The following PROM1 variants were observed in gnomAD, a reference collection of about 807,000 sequenced individuals.
The protein encoded by PROM1 is prominin-1.
Under a neutral mutation model 116.9 loss-of-function variants are expected in PROM1, and 105 were observed. The ratio of observed to expected loss-of-function variants is 0.90; its 90% CI spans 0.77 to 1.06. The LOEUF is 1.06. Ranked by LOEUF, PROM1 falls within the 50% of genes least tolerant of loss-of-function variation. The probability of loss-of-function intolerance (pLI) is 0.00; values close to 1 mark genes in which losing one functional copy is unlikely to be tolerated. For missense variants in PROM1, 1,122 were observed against 1,045.2 expected (o/e 1.07, Z -1.01); for synonymous variants, 393 against 387.0 (o/e 1.02, Z -0.18).
chr4:16,070,777 C>T (rs1050166135), intron 2 of PROM1, among the ~76,000 whole-genome samples: 3 of 152,126 alleles, frequency 2.0e-5, no homozygotes, highest in African/African-American at 7.2e-5. Flanking sequence ...GTCAGGCTTG[C>T]CAAGGGAACA....
chr4:16,030,466 T>C (rs1732401735), intron 5 of PROM1, among the ~76,000 whole-genome samples: 1 of 152,216 alleles, frequency 6.6e-6, no homozygotes, highest in Admixed American at 6.5e-5. Context: ...TAGGAGGGTA[T>C]AGAATCACAG....
intron 2 of PROM1, among the ~76,000 whole-genome samples, chr4:16,052,377 T>C (rs1738085129): frequency 6.6e-6 from 1 of 152,218 alleles, no homozygotes; most frequent in South Asian, 2.1e-4. Context: ...TCCCCATTTC[T>C]ACAACATGGT....
intron 2 of PROM1, among the ~76,000 whole-genome samples, chr4:16,043,793 T>C (rs1254747219): frequency 4.6e-5 from 7 of 152,176 alleles, no homozygotes; most frequent in Non-Finnish European, 8.8e-5. Context: ...TCTCCATCCA[T>C]TGCTCTGTCC....
At chr4:16,017,784 T>C (rs1465151358) in intron 9 of PROM1, among the ~76,000 whole-genome samples, 2 of 152,218 alleles carry the variant, frequency 1.3e-5, no homozygotes, top group Non-Finnish European at 2.9e-5. Flanking sequence ...ATCGTGCCAC[T>C]GCACTCCAGC....
chr4:16,019,225 A>T (rs1162730817), intron 8 of PROM1, among the ~76,000 whole-genome samples: 1 of 152,256 alleles, frequency 6.6e-6, no homozygotes, highest in Admixed American at 6.5e-5. Context: ...TCATACAGAG[A>T]GTACCCAACT....
At chr4:16,033,577 T>C in intron 4 of PROM1, 68 bp from the exon 5 acceptor site, 2 of 544,668 alleles carry the variant, frequency 3.7e-6, no homozygotes, top group South Asian at 3.3e-5. Flanking sequence ...TTCCATGGTG[T>C]ACAAAGTTCT....
Position 16,081,149 on chromosome 4 carries a change from G to A in PROM1, c.-213+2829C>T, listed in dbSNP as rs529446925. On this transcript the variant is annotated intron_variant, in intron 1 of 27. Coordinates refer to ENST00000447510, the MANE Select transcript of PROM1 (RefSeq NM_006017.3). ...TACATGTGTATACATGTGCCATGTC[G>A]GTGTGCTGCACCTATTAACTCGTCA... is the stretch of plus-strand genomic sequence containing the variant. 2.8e-4 allele frequency among the ~76,000 whole-genome samples: 42 copies of A among 151,724 alleles called. 1 individual carries two copies. Among genetic ancestry groups the A allele is most frequent in the Admixed American group, 2.6e-3 (39 of 15,230 alleles).
chr4:16,021,624 G>GT (rs1316202374), intron 8 of PROM1, among the ~76,000 whole-genome samples: 4 of 152,326 alleles, frequency 2.6e-5, no homozygotes, highest in African/African-American at 9.6e-5. Context: ...CCAGGCTGCA[G>GT]TGTTGCCTGG....
intron 17 of PROM1, among the ~76,000 whole-genome samples, chr4:15,992,013 G>T (rs796283197): frequency 6.3e-4 from 96 of 151,850 alleles, no homozygotes; most frequent in African/African-American, 1.9e-3. Context: ...AGGAGGAAAT[G>T]GGGGCAACTG....
chr4:16,063,532 G>T (rs566567191), intron 2 of PROM1, among the ~76,000 whole-genome samples: 17 of 152,286 alleles, frequency 1.1e-4, no homozygotes, highest in African/African-American at 4.1e-4. Context: ...GGAGGCAGAG[G>T]TTGCACTGAG....
intron 1 of PROM1, chr4:16,076,329 GGCCA>G (rs953067258): frequency 2.3e-5 from 4 of 174,548 alleles, no homozygotes; most frequent in African/African-American, 9.5e-5. Context: ...TTCTCAGGAG[GGCCA>G]GACTCAGAAC....
At position 16,025,371 on chromosome 4, in the gene PROM1, C is replaced by T. The variant is rs200555094; in HGVS notation, c.510-59G>A. 23 of 1,596,924 alleles carry T rather than the reference C, an allele frequency of 1.4e-5. No homozygotes were observed. In the Middle Eastern group the frequency reaches 5.0e-4, roughly 35 times the overall value. ...TACTGTGTGGTCCATGGTTCTTTGT[C>T]CAGGTCCAGGCAGCAGAGCAGGAGT... On this transcript the variant is annotated intron_variant, in intron 5 of 27. Transcript: ENST00000447510.
At chr4:15,991,162 T>C in intron 18 of PROM1, 60 bp downstream of exon 18, 2 of 1,393,556 alleles carry the variant, frequency 1.4e-6, no homozygotes, top group Non-Finnish European at 2.0e-6. Flanking sequence ...TCCCTAAGAA[T>C]GGTACTGACA....
intron 2 of PROM1, among the ~76,000 whole-genome samples, chr4:16,050,467 C>T (rs1450093042): frequency 6.6e-6 from 1 of 152,196 alleles, no homozygotes; most frequent in Non-Finnish European, 1.5e-5. Context: ...GACTCTCCCG[C>T]CTCAGCCTCC....
chr4:16,040,011 G>C (rs957529560), intron 2 of PROM1, among the ~76,000 whole-genome samples: 1 of 152,036 alleles, frequency 6.6e-6, no homozygotes, highest in Admixed American at 6.6e-5. Flanking sequence ...CTTCTCCTGT[G>C]CGGGTGCCTT....
At chr4:15,976,193 A>G (rs773937969) in intron 26 of PROM1, 2 of 455,732 alleles carry the variant, frequency 4.4e-6, no homozygotes, top group Non-Finnish European at 8.8e-6. Flanking sequence ...TCGAATTTCA[A>G]CACTAAAAGC....
At chr4:16,011,024 TC>T (rs1215393792) in intron 11 of PROM1, among the ~76,000 whole-genome samples, 1 of 152,082 alleles carries the variant, frequency 6.6e-6, no homozygotes, top group African/African-American at 2.4e-5. Flanking sequence ...TCTGAGATTT[TC>T]AGAGATGGGG....
intron 2 of PROM1, among the ~76,000 whole-genome samples, chr4:16,072,559 C>A (rs1743052987): frequency 6.6e-6 from 1 of 152,236 alleles, no homozygotes; most frequent in Admixed American, 6.5e-5. Context: ...ATAGGCCCAG[C>A]TAACTTTGGG....
intron 5 of PROM1, among the ~76,000 whole-genome samples, chr4:16,030,987 A>C (rs1469697579): frequency 6.6e-6 from 1 of 152,170 alleles, no homozygotes; most frequent in Non-Finnish European, 1.5e-5. Flanking sequence ...CGGAGGTTGG[A>C]GTGAGCTGTG....
Sources: gnomAD v4.1 joint callset for allele counts (sites outside exome capture counted in the v4.1 genomes callset) on GRCh38, gnomAD v4.1.1 for gene constraint, MANE v1.5 for transcripts, NCBI Gene and HGNC (gene_info 2026-07-23, HGNC 2026-07-21) for gene names.